The following SRPK2 variants were observed in gnomAD, a reference collection of about 807,000 sequenced individuals.
SRPK2 encodes the protein SRSF protein kinase 2.
SRPK2 carries 21 observed loss-of-function variants against 90.8 expected under a neutral mutation model. That is an observed-to-expected ratio of 0.23 (90% CI 0.16 to 0.33). The LOEUF (loss-of-function observed/expected upper bound fraction) is 0.33, where lower values mean the gene tolerates loss of function less well. Ranked by LOEUF, SRPK2 falls within the 10% of genes least tolerant of loss-of-function variation. SRPK2 has a pLI of 1.00. For synonymous variants in SRPK2, 288 were observed against 311.1 expected (o/e 0.93, Z 0.78); for missense variants, 620 against 869.0 (o/e 0.71, Z 3.60).
chr7:105,373,698 T>C (rs1191375741), intron 2 of SRPK2, among the ~76,000 whole-genome samples: 2 of 150,756 alleles, frequency 1.3e-5, no homozygotes, highest in Non-Finnish European at 3.0e-5. Flanking sequence ...CCACCGCGCC[T>C]GGCTCACAAA....
intron 2 of SRPK2, among the ~76,000 whole-genome samples, chr7:105,243,289 A>T (rs374368831): frequency 6.6e-6 from 1 of 152,292 alleles, no homozygotes; most frequent in African/African-American, 2.4e-5. Flanking sequence ...CTTCCATGTG[A>T]GCCAATGCAC....
chr7:105,150,661 T>C (rs754823360), intron 7 of SRPK2, among the ~76,000 whole-genome samples: 12 of 152,218 alleles, frequency 7.9e-5, no homozygotes, highest in African/African-American at 1.7e-4. Flanking sequence ...ACGACATTCA[T>C]GCATCTTCCT....
chr7:105,372,865 G>T (rs988428611), intron 2 of SRPK2, among the ~76,000 whole-genome samples: 2 of 152,122 alleles, frequency 1.3e-5, no homozygotes, highest in Admixed American at 1.3e-4. Flanking sequence ...AAGGCCGGTG[G>T]ATCACCTGAG....
At chr7:105,361,137 T>C (rs1818374338) in intron 2 of SRPK2, among the ~76,000 whole-genome samples, 1 of 151,980 alleles carries the variant, frequency 6.6e-6, no homozygotes, top group African/African-American at 2.4e-5. Context: ...AAAGTCTCAG[T>C]CAATGTACAA....
Position 105,219,014 on chromosome 7 carries a change from C to T in SRPK2, c.72-15229G>A, listed in dbSNP as rs143817607. Among the ~76,000 whole-genome samples the T allele has an allele frequency of 2.9e-3, 443 of 152,056 alleles. 2 individuals are homozygous for T. Among genetic ancestry groups the T allele is most frequent in the African/African-American group, 0.01 (415 of 41,458 alleles). ...AAGCAGCTATAAGCAAAAGTGGCCG[C>T]AGAAATAGATACTGACCAGAAAACA... is the stretch of plus-strand genomic sequence containing the variant. On this transcript the variant is annotated intron_variant, in intron 2 of 15. Transcript: ENST00000393651.
At position 105,324,010 on chromosome 7, in the gene SRPK2, T is replaced by TGTGTGGGTGG. The variant is rs1554509978; in HGVS notation, c.71+64637_71+64638insCCACCCACAC. Among the ~76,000 whole-genome samples, 31 of 148,974 alleles carry TGTGTGGGTGG rather than the reference T, an allele frequency of 2.1e-4. 2 individuals are homozygous for TGTGTGGGTGG. In the East Asian group the frequency reaches 5.8e-3, roughly 28 times the overall value. On this transcript the variant is annotated intron_variant, in intron 2 of 15. Transcript: ENST00000393651. ...GTGTGTGTGTGTGTGTGTGTGTGTG[T>TGTGTGGGTGG]GTGTGTGGTGGAGTCTCACATTGTC...
intron 2 of SRPK2, among the ~76,000 whole-genome samples, chr7:105,269,497 C>T (rs1318889735): frequency 6.6e-6 from 1 of 152,098 alleles, no homozygotes; most frequent in Non-Finnish European, 1.5e-5. Flanking sequence ...CTTAATTTTC[C>T]CCTCCTCCTT....
intron 2 of SRPK2, among the ~76,000 whole-genome samples, chr7:105,349,990 G>A (rs1816961322): frequency 6.6e-6 from 1 of 150,888 alleles, no homozygotes; most frequent in Non-Finnish European, 1.5e-5. Context: ...ACCTGCCTCA[G>A]CCTCCCAAAG....
At position 105,151,478 on chromosome 7, in the gene SRPK2, A is replaced by T. The variant is rs372792918; in HGVS notation, c.622-4820T>A. Reference sequence around the variant, plus strand: ...GAAACTTAAATGGTAAAACGTATCTAAGTCAGAAGACTTGTACTGATATTG... The same window carrying T: ...GAAACTTAAATGGTAAAACGTATCTTAGTCAGAAGACTTGTACTGATATTG... On this transcript the variant is annotated intron_variant, in intron 7 of 15. Coordinates refer to ENST00000393651, the MANE Select transcript of SRPK2 (RefSeq NM_182692.3). 2.7e-4 allele frequency among the ~76,000 whole-genome samples: 41 copies of T among 152,358 alleles called. 1 individual carries two copies. The South Asian group carries it at 8.3e-3, about 31-fold the overall frequency.
upstream of SRPK2, among the ~76,000 whole-genome samples, chr7:105,391,300 G>A (rs900236394): frequency 1.3e-5 from 2 of 152,040 alleles, no homozygotes; most frequent in African/African-American, 4.8e-5. Flanking sequence ...CTGCCTCCCA[G>A]GTTCAAGTGA....
chr7:105,228,861 C>G (rs901988929), intron 2 of SRPK2, among the ~76,000 whole-genome samples: 1 of 152,250 alleles, frequency 6.6e-6, no homozygotes, highest in Non-Finnish European at 1.5e-5. Context: ...CGCTCACATG[C>G]TCCCTCCTGC....
At chr7:105,151,344 G>A (rs951467443) in intron 7 of SRPK2, among the ~76,000 whole-genome samples, 14 of 152,136 alleles carry the variant, frequency 9.2e-5, no homozygotes, top group African/African-American at 2.9e-4. Flanking sequence ...AGCTGTTTGA[G>A]CTTTCATTCT....
At chr7:105,235,860 T>C (rs918220222) in intron 2 of SRPK2, among the ~76,000 whole-genome samples, 3 of 152,212 alleles carry the variant, frequency 2.0e-5, no homozygotes, top group Non-Finnish European at 2.9e-5. Context: ...TAGTTCCCTC[T>C]AATATGAGAG....
intron 2 of SRPK2, among the ~76,000 whole-genome samples, chr7:105,235,815 A>C (rs945518873): frequency 1.3e-5 from 2 of 152,244 alleles, no homozygotes; most frequent in Admixed American, 1.3e-4. Flanking sequence ...GTCATCACAA[A>C]GAATTATTAG....
chr7:105,119,373 A>T (rs1800008310), intron 15 of SRPK2, among the ~76,000 whole-genome samples: 1 of 152,212 alleles, frequency 6.6e-6, no homozygotes, highest in East Asian at 1.9e-4. Flanking sequence ...GAAAAGTATA[A>T]GAACAAAAGG....
intron 7 of SRPK2, among the ~76,000 whole-genome samples, chr7:105,155,629 G>A (rs1231403915): frequency 6.6e-6 from 1 of 152,120 alleles, no homozygotes; most frequent in Non-Finnish European, 1.5e-5. Context: ...GTTGAGATGG[G>A]GCCTACACGT....
chr7:105,281,352 G>A lies in SRPK2; in HGVS notation c.72-77567C>T, dbSNP rs529179758. 3.3e-5 allele frequency among the ~76,000 whole-genome samples: 5 copies of A among 152,108 alleles called. No homozygotes were observed. The East Asian group carries it at 5.8e-4, about 18-fold the overall frequency. On this transcript the variant is annotated intron_variant, in intron 2 of 15. Transcript: ENST00000393651. ...CTCAAGTGATCTATCCACCTCGGCC[G>A]CCCAAAGTGCTGGGATTACAAGCAT...
chr7:105,208,109 C>T (rs1313967995), intron 2 of SRPK2, among the ~76,000 whole-genome samples: 1 of 152,098 alleles, frequency 6.6e-6, no homozygotes, highest in Non-Finnish European at 1.5e-5. Flanking sequence ...CCACTTCATA[C>T]CCACTAGAAT....
rs751928390 is a variant in SRPK2, at chr7:105,117,825, T to G, written c.*13A>C. 3.1e-6 allele frequency: 5 copies of G among 1,612,134 alleles called. No individual in the cohort carries two copies. The highest frequency in any genetic ancestry group is 4.2e-6 in the Non-Finnish European group (5 of 1,179,888). On this transcript the variant is annotated 3_prime_UTR_variant, in exon 16 of 16. Coordinates refer to ENST00000393651, the MANE Select transcript of SRPK2 (RefSeq NM_182692.3). Reference sequence around the variant, plus strand: ...ACATTTGCTAGCTCAGAATGCAATATTGGTAGAATTTGCTAAGAATTCAAC... The same window carrying G: ...ACATTTGCTAGCTCAGAATGCAATAGTGGTAGAATTTGCTAAGAATTCAAC...
Sources: gnomAD v4.1 joint callset for allele counts (sites outside exome capture counted in the v4.1 genomes callset) on GRCh38, gnomAD v4.1.1 for gene constraint, MANE v1.5 for transcripts, NCBI Gene and HGNC (gene_info 2026-07-23, HGNC 2026-07-21) for gene names.